The following SRCIN1 variants were observed in gnomAD, a reference collection of about 807,000 sequenced individuals.
SRCIN1 encodes P130Cas-associated protein.
Under a neutral mutation model 116.2 loss-of-function variants are expected in SRCIN1, and 50 were observed. That is an observed-to-expected ratio of 0.43 (90% CI 0.34 to 0.54). SRCIN1 has a LOEUF of 0.54. Among genes scored for constraint, SRCIN1 ranks in the 20% least tolerant of loss-of-function variants. The pLI is 0.02. For synonymous variants in SRCIN1, 736 were observed against 750.0 expected (o/e 0.98, Z 0.30); for missense variants, 1,446 against 1,672.0 (o/e 0.86, Z 2.36).
At chr17:38,541,035 C>T (rs1567850380) in intron 18 of SRCIN1, among the ~76,000 whole-genome samples, 2 of 151,914 alleles carry the variant, frequency 1.3e-5, no homozygotes, top group Non-Finnish European at 2.9e-5. Flanking sequence ...GTCAGGAGTT[C>T]AAGACCAGTC....
intron 1 of SRCIN1, among the ~76,000 whole-genome samples, chr17:38,592,386 G>C (rs144721712): frequency 3.1e-3 from 469 of 152,304 alleles, no homozygotes; most frequent in African/African-American, 0.011. Flanking sequence ...GGTGAGCAGT[G>C]CACCTCAACC....
At chr17:38,548,738 C>T in intron 16 of SRCIN1, 29 bp from the exon 17 acceptor site, 1 of 1,548,422 alleles carries the variant, frequency 6.5e-7, no homozygotes, top group Non-Finnish European at 8.7e-7. Flanking sequence ...CTGTCAAGGC[C>T]AGGCTCTGCC....
At chr17:38,606,229 G>A (rs900767080), upstream of SRCIN1, among the ~76,000 whole-genome samples, 3 of 151,796 alleles carry the variant, frequency 2.0e-5, no homozygotes, top group Non-Finnish European at 4.4e-5. This position sits in a 1 kb window ranked among gnomAD's most constrained non-coding sequence, Gnocchi z 5.2. Flanking sequence ...CAAATACATT[G>A]ACCGAGGACC....
chr17:38,566,543 T>C (rs992830805), intron 3 of SRCIN1, among the ~76,000 whole-genome samples: 5 of 152,162 alleles, frequency 3.3e-5, no homozygotes, highest in Admixed American at 3.3e-4. Context: ...AGAGCGCCTA[T>C]CACCAGAGTG....
rs566906465 is a variant in SRCIN1 at position 38,544,304 on chromosome 17, C to T, written c.3271-335G>A. ...AAAGTGAGGGTCCCCAGCAGCAACC[C>T]CACTCCCGGCAAGGGGCACCATCTG... On this transcript the variant is annotated intron_variant, in intron 17 of 18. Coordinates refer to ENST00000617146, the MANE Select transcript of SRCIN1 (RefSeq NM_025248.3). This position sits in a 1 kb window ranked among gnomAD's most constrained non-coding sequence, Gnocchi z 4.5. 3.9e-5 allele frequency among the ~76,000 whole-genome samples: 6 copies of T among 152,244 alleles called. No individual in the cohort carries two copies. Among genetic ancestry groups the T allele is most frequent in the African/African-American group, 1.4e-4 (6 of 41,572 alleles).
At chr17:38,590,960 G>A (rs145934560) in intron 1 of SRCIN1, among the ~76,000 whole-genome samples, 169 of 152,294 alleles carry the variant, frequency 1.1e-3, no homozygotes, top group African/African-American at 3.9e-3. Flanking sequence ...TCTTGGGGGG[G>A]CCTATTCCCC....
At chr17:38,599,572 C>T (rs1468558213) in intron 1 of SRCIN1, among the ~76,000 whole-genome samples, 3 of 152,232 alleles carry the variant, frequency 2.0e-5, no homozygotes, top group South Asian at 4.1e-4. Flanking sequence ...AGCCTCCCAT[C>T]CTGAAGTGGC....
At position 38,560,029 on chromosome 17, in the gene SRCIN1, A is replaced by G. The variant is rs1180928894; in HGVS notation, c.1837+25T>C. On this transcript the variant is annotated intron_variant, in intron 9 of 18. Transcript: ENST00000617146. ...GAAAACAGGCTCGGAGAGAACAAGG[A>G]TGGGGGAGGGGGAGGTTCACTCACG... is the stretch of plus-strand genomic sequence containing the variant. 2.6e-6 allele frequency: 4 copies of G among 1,523,014 alleles called. No homozygotes were observed. The African/African-American group carries it at 5.5e-5, about 21-fold the overall frequency. The allele number at this position is 1,523,014 out of a possible 1,614,324, so 94.3% of individuals were successfully genotyped here. A position where few individuals can be genotyped will look rare whatever the true frequency, so the allele number is the denominator to read the frequency against.
In SRCIN1 at chr17:38,562,837, C is replaced by T. The variant is rs1906367092; in HGVS notation, c.824G>A (p.Gly275Glu). ...CATGCCCAGCCATACCCGGAGGTCCCCGTTGGTGAGATGTGAGCCAGGGAA... is the reference window on the plus strand; with the variant it reads ...CATGCCCAGCCATACCCGGAGGTCCTCGTTGGTGAGATGTGAGCCAGGGAA... ...AAFPGSHLTN[G>E]DLRREMVYAS... The change falls in exon 6 of 19, where the codon GGG becomes GAG. Residue 275 changes from glycine (G) to glutamate (E), a missense_variant. Around this residue, in one of 5 missense-constraint regions of SRCIN1, gnomAD observed 239 missense variants for 317.7 expected, o/e 0.75. Coordinates refer to ENST00000617146, the MANE Select transcript of SRCIN1 (RefSeq NM_025248.3). The surrounding 1 kb of genome is among the most constrained non-coding windows in gnomAD (Gnocchi z 4.2). The T allele has an allele frequency of 6.2e-7, 1 of 1,613,738 alleles. No homozygotes were observed.
intron 11 of SRCIN1, among the ~76,000 whole-genome samples, chr17:38,555,666 G>A (rs117098523): frequency 2.6e-5 from 4 of 152,278 alleles, no homozygotes; most frequent in Non-Finnish European, 4.4e-5. Context: ...AGCAAAGCGG[G>A]ATCTACTCAC....
chr17:38,581,189 G>A (rs990344989), intron 1 of SRCIN1, among the ~76,000 whole-genome samples: 5 of 152,140 alleles, frequency 3.3e-5, no homozygotes, highest in East Asian at 1.9e-4. Context: ...GGTGGATCAC[G>A]AGGTCAGGAG....
At chr17:38,550,017 G>A (rs1028556747) in intron 15 of SRCIN1, among the ~76,000 whole-genome samples, 1 of 152,178 alleles carries the variant, frequency 6.6e-6, no homozygotes, top group Non-Finnish European at 1.5e-5. Context: ...TGCCCTCCTA[G>A]GGCCTCCGCC....
chr17:38,533,106 A>C lies in SRCIN1; in HGVS notation c.*191T>G, dbSNP rs946745269. The stretch of plus-strand genomic sequence containing the variant: ...TAAAAGTTAATTGTTAAAAAAAAAA[A>C]AAAAAACAAAACCAAAAACACCAAC... On this transcript the variant is annotated 3_prime_UTR_variant, in exon 19 of 19. Transcript: ENST00000617146. The C allele has an allele frequency of 4.5e-5, 20 of 443,132 alleles. No individual in the cohort carries two copies. The highest frequency in any genetic ancestry group is 6.4e-5 in the African/African-American group (3 of 46,954). The allele number at this position is 443,132 out of a possible 1,614,324, so 27.5% of individuals were successfully genotyped here.
In SRCIN1 at chr17:38,578,518, C is replaced by T. The variant is rs752717173; in HGVS notation, c.296G>A (p.Arg99Gln). 1 of 1,593,114 alleles carries T rather than the reference C, an allele frequency of 6.3e-7. No individual in the cohort carries two copies. The highest frequency in any genetic ancestry group is 8.6e-7 in the Non-Finnish European group (1 of 1,163,108). Reference protein sequence around the residue: ...SKYPQHALALRGQQDRMREQP... With the variant: ...SKYPQHALALQGQQDRMREQP... Reference sequence around the variant, plus strand: ...CTCTCGCATCCTGTCCTGCTGGCCTCGCAGGGCCAGGGCGTGCTGTGGGTA... The same window carrying T: ...CTCTCGCATCCTGTCCTGCTGGCCTTGCAGGGCCAGGGCGTGCTGTGGGTA... The change falls in exon 2 of 19, where the codon CGA becomes CAA. Residue 99 changes from arginine (R) to glutamine (Q), a missense_variant. By Grantham distance (43) the Arg-to-Gln change is conservative. Around this residue, in one of 5 missense-constraint regions of SRCIN1, gnomAD observed 246 missense variants for 265.1 expected, o/e 0.93. Coordinates refer to ENST00000617146, the MANE Select transcript of SRCIN1 (RefSeq NM_025248.3).
intron 16 of SRCIN1, 132 bp from the exon 17 acceptor site, chr17:38,548,841 TCCCTC>T: frequency 7.5e-7 from 1 of 1,336,042 alleles, no homozygotes; most frequent in Non-Finnish European, 9.9e-7. Context: ...TGCCAGGGTG[TCCCTC>T]AACAGACAGG....
chr17:38,531,579 T>G lies in SRCIN1; in HGVS notation c.*1718A>C, dbSNP rs1020516201. On this transcript the variant is annotated 3_prime_UTR_variant, in exon 19 of 19. Transcript: ENST00000617146. ...TTTTTTTTTCTATTTTCCAGGGTTT[T>G]TTTTTTTTTCCAGGAGGGATTTTTT... 5 of 149,096 alleles carry G rather than the reference T, an allele frequency of 3.4e-5. No individual in the cohort carries two copies. Among genetic ancestry groups the G allele is most frequent in the Non-Finnish European group, 5.9e-5 (4 of 67,254 alleles). The allele number at this position is 149,096 out of a possible 1,614,324, so 9.2% of individuals were successfully genotyped here.
intron 18 of SRCIN1, chr17:38,541,516 G>A (rs116134200): frequency 0.013 from 1,968 of 152,656 alleles, 47 homozygotes; most frequent in African/African-American, 0.045. Context: ...CCGGGGAAGC[G>A]TGTGTGGGTG....
Position 38,552,102 on chromosome 17 carries a change from G to T in SRCIN1, c.2511C>A (p.Pro837=). ...TGGGGGACTGACTCAGGAGATTGTT[G>T]GGGGGTGGCCACACACCCTCATCCA... ...RQVDEGVWPP[P]NNLLSQSPKK... is the part of the protein sequence containing the mutation. Residue 837 remains proline, a synonymous_variant, in exon 14 of 19, where the codon CCC becomes CCA. Transcript: ENST00000617146. This position sits in a 1 kb window ranked among gnomAD's most constrained non-coding sequence, Gnocchi z 5.3. 1 of 1,612,794 alleles carries T rather than the reference G, an allele frequency of 6.2e-7. No individual in the cohort carries two copies. Among genetic ancestry groups the T allele is most frequent in the Admixed American group, 1.7e-5 (1 of 60,002 alleles).
At position 38,563,041 on chromosome 17, in the gene SRCIN1, G is replaced by A. The variant is rs1341561423; in HGVS notation, c.741-121C>T. ...AGAGGCACCGGGAGCCCCATCTCAG[G>A]CTGCCTGCACACACGCCCAGCAGCC... is the stretch of plus-strand genomic sequence containing the variant. On this transcript the variant is annotated intron_variant, in intron 5 of 18. Transcript: ENST00000617146. This position sits in a 1 kb window ranked among gnomAD's most constrained non-coding sequence, Gnocchi z 5.8. The A allele has an allele frequency of 1.5e-5, 13 of 891,120 alleles. No individual in the cohort carries two copies. Among genetic ancestry groups the A allele is most frequent in the Non-Finnish European group, 2.3e-5 (13 of 568,258 alleles). 55.2% of individuals were successfully genotyped at this position (891,120 alleles called of 1,614,324 possible).
Sources: allele counts gnomAD v4.1 joint callset (sites outside exome capture counted in the v4.1 genomes callset), GRCh38; gene constraint gnomAD v4.1.1; regional missense constraint gnomAD v4.1.1; non-coding constraint Gnocchi (gnomAD v3.1); transcripts MANE v1.5; gene names NCBI Gene and HGNC (gene_info 2026-07-23, HGNC 2026-07-21).